The following P3H2 variants were observed in gnomAD, a reference collection of about 807,000 sequenced individuals.
P3H2 encodes prolyl 3-hydroxylase 2, also known as leprecan-like 1.
Under a neutral mutation model 87.0 loss-of-function variants are expected in P3H2, and 80 were observed. The observed-to-expected ratio is 0.92, with a 90% CI of 0.77 to 1.11. The LOEUF (loss-of-function observed/expected upper bound fraction) is 1.11, where lower values mean the gene tolerates loss of function less well. Among genes scored for constraint, P3H2 ranks in the 50% least tolerant of loss-of-function variants. The pLI, the probability that P3H2 is intolerant of heterozygous loss-of-function variation, is 0.00. For missense variants in P3H2, 1,001 were observed against 923.9 expected (o/e 1.08, Z -1.08); for synonymous variants, 367 against 359.3 (o/e 1.02, Z -0.24).
intron 1 of P3H2, among the ~76,000 whole-genome samples, chr3:190,054,026 T>C (rs1039832522): frequency 6.6e-6 from 1 of 152,166 alleles, no homozygotes; most frequent in Non-Finnish European, 1.5e-5. Context: ...CCTTCATACA[T>C]TAGTAGAAAA....
rs1722673941 is a variant in P3H2 at position 189,957,524 on chromosome 3, A to T, written c.*388T>A. The T allele has an allele frequency of 2.6e-6, 1 of 391,010 alleles. No homozygotes were observed. Among genetic ancestry groups the T allele is most frequent in the Non-Finnish European group, 4.5e-6 (1 of 219,788 alleles). The allele number at this position is 391,010 out of a possible 1,614,324, so 24.2% of individuals were successfully genotyped here. On this transcript the variant is annotated 3_prime_UTR_variant, in exon 15 of 15. Coordinates refer to ENST00000319332, the MANE Select transcript of P3H2 (RefSeq NM_018192.4). The stretch of plus-strand genomic sequence containing the variant: ...TGGGCTTTGATAGATACATGAAATG[A>T]TGAAAAACCAAGAAAGAGAGCTGGG...
Position 189,957,502 on chromosome 3 carries a change from G to A in P3H2, c.*410C>T, listed in dbSNP as rs1180160128. 5.2e-6 allele frequency: 2 copies of A among 387,882 alleles called. No homozygotes were observed. Among genetic ancestry groups the A allele is most frequent in the East Asian group, 9.3e-5 (2 of 21,404 alleles). 24.0% of individuals were successfully genotyped at this position (387,882 alleles called of 1,614,324 possible). ...GTGTTTGGGGGAGGAGGTGAACTGG[G>A]CTTTGATAGATACATGAAATGATGA... On this transcript the variant is annotated 3_prime_UTR_variant, in exon 15 of 15. Coordinates refer to ENST00000319332, the MANE Select transcript of P3H2 (RefSeq NM_018192.4).
intron 1 of P3H2, among the ~76,000 whole-genome samples, chr3:190,088,676 G>A (rs532200071): frequency 6.6e-6 from 1 of 152,272 alleles, no homozygotes; most frequent in Non-Finnish European, 1.5e-5. Flanking sequence ...CAGAATAATA[G>A]TTACGGGCTT....
intron 1 of P3H2, among the ~76,000 whole-genome samples, chr3:190,044,625 A>G (rs1725742629): frequency 6.6e-6 from 1 of 152,236 alleles, no homozygotes. Flanking sequence ...ACTTCCAAAA[A>G]TAATAGTGTA....
intron 2 of P3H2, among the ~76,000 whole-genome samples, chr3:189,994,532 C>T (rs78613259): frequency 6.6e-6 from 1 of 151,986 alleles, no homozygotes; most frequent in Non-Finnish European, 1.5e-5. Flanking sequence ...CAGTCAATGT[C>T]GTTTTTTTCC....
chr3:190,094,972 C>G (rs867150441), intron 1 of P3H2, among the ~76,000 whole-genome samples: 15 of 152,166 alleles, frequency 9.9e-5, no homozygotes, highest in Middle Eastern at 3.4e-3. Context: ...CAAATATAAT[C>G]AATATCACAA....
At chr3:190,066,538 T>A (rs1396582791) in intron 1 of P3H2, among the ~76,000 whole-genome samples, 2 of 152,084 alleles carry the variant, frequency 1.3e-5, no homozygotes, top group African/African-American at 4.8e-5. Flanking sequence ...GGGTTCAGTG[T>A]ATACTGCTCA....
At chr3:189,963,655 G>C (rs1205504161) in intron 14 of P3H2, 1 of 355,966 alleles carries the variant, frequency 2.8e-6, no homozygotes, top group East Asian at 6.1e-5. Flanking sequence ...TGTTGATCAG[G>C]CTGGTCTCGA....
intron 1 of P3H2, among the ~76,000 whole-genome samples, chr3:190,050,274 AAAG>A (rs1347633550): frequency 2.0e-5 from 3 of 152,212 alleles, no homozygotes; most frequent in Non-Finnish European, 4.4e-5. Flanking sequence ...GGAAGAACAA[AAAG>A]AAGAGTAATG....
At chr3:190,027,825 C>T (rs2108945071) in intron 1 of P3H2, among the ~76,000 whole-genome samples, 1 of 152,032 alleles carries the variant, frequency 6.6e-6, no homozygotes, top group East Asian at 2.0e-4. Flanking sequence ...CACAGGAGGT[C>T]CTTTGTGCTG....
rs1413791155 is a variant in P3H2 at position 190,063,707 on chromosome 3, T to C, written c.480+56545A>G. Reference sequence around the variant, plus strand: ...TGTGGTGGTGGTTGTAATTACAATGTTTATTTTTGGAGTGAGTGAAGCCTG... The same window carrying C: ...TGTGGTGGTGGTTGTAATTACAATGCTTATTTTTGGAGTGAGTGAAGCCTG... On this transcript the variant is annotated intron_variant, in intron 1 of 14. Transcript: ENST00000319332. 2.0e-5 allele frequency among the ~76,000 whole-genome samples: 3 copies of C among 152,074 alleles called. No homozygotes were observed. The East Asian group carries it at 5.8e-4, about 29-fold the overall frequency.
At chr3:189,997,798 T>C (rs945333018) in intron 1 of P3H2, among the ~76,000 whole-genome samples, 58 of 152,322 alleles carry the variant, frequency 3.8e-4, no homozygotes, top group African/African-American at 1.3e-3. Context: ...TTCTCAACTT[T>C]AATCTTCTCA....
Position 189,994,274 on chromosome 3 carries a change from T to C in P3H2, c.643A>G (p.Asn215Asp). The C allele has an allele frequency of 2.5e-6, 4 of 1,610,290 alleles. No individual in the cohort carries two copies. Among genetic ancestry groups the C allele is most frequent in the Non-Finnish European group, 3.4e-6 (4 of 1,177,156 alleles). Residue 215 changes from asparagine (N) to aspartate (D), a missense_variant, in exon 3 of 15, where the codon AAT becomes GAT. Physicochemically the swap from Asn to Asp is conservative, Grantham distance 23. Transcript: ENST00000319332. ...GCCTCATAATGTTTAACTCCTGCAT[T>C]GTAACTCTCCTGTAATGAAACAGAC... Reference protein sequence around the residue: ...REAKPHMESYNAGVKHYEADD... With the variant: ...REAKPHMESYDAGVKHYEADD...
intron 1 of P3H2, among the ~76,000 whole-genome samples, chr3:190,010,587 G>A (rs1224638078): frequency 1.3e-5 from 2 of 152,078 alleles, no homozygotes; most frequent in African/African-American, 4.8e-5. Flanking sequence ...CAATAAGAGG[G>A]CAACAATCTG....
At position 189,984,606 on chromosome 3, in the gene P3H2, T is replaced by TA. The variant is rs11311050; in HGVS notation, c.1189-17dup. On this transcript the variant is annotated splice_polypyrimidine_tract_variant and intron_variant, in intron 6 of 14. Coordinates refer to ENST00000319332, the MANE Select transcript of P3H2 (RefSeq NM_018192.4). ...TCCAATAATTCTGTTTTGAATCGAG[T>TA]AAAAAAAAAAATGCAGTAATTTTGT... The TA allele has an allele frequency of 4.6e-4, 646 of 1,398,326 alleles. No homozygotes were observed. Among genetic ancestry groups the TA allele is most frequent in the South Asian group, 5.6e-4 (45 of 80,154 alleles). The allele number at this position is 1,398,326 out of a possible 1,614,324, so 86.6% of individuals were successfully genotyped here. A position where few individuals can be genotyped will look rare whatever the true frequency, so the allele number is the denominator to read the frequency against.
chr3:189,972,319 G>A (rs1723200955), intron 11 of P3H2, among the ~76,000 whole-genome samples: 1 of 152,034 alleles, frequency 6.6e-6, no homozygotes, highest in South Asian at 2.1e-4. Flanking sequence ...GCAAAACAAT[G>A]GGAAGGAAAT....
At chr3:190,110,886 C>T (rs1211264194) in intron 1 of P3H2, among the ~76,000 whole-genome samples, 1 of 152,158 alleles carries the variant, frequency 6.6e-6, no homozygotes, top group East Asian at 1.9e-4. Flanking sequence ...TTGCTTTTAT[C>T]CATTCCTTTC....
intron 8 of P3H2, among the ~76,000 whole-genome samples, chr3:189,980,285 C>T (rs1723489878): frequency 6.6e-6 from 1 of 152,194 alleles, no homozygotes; most frequent in African/African-American, 2.4e-5. Flanking sequence ...GAAAATGTTG[C>T]TGGGCGTGGT....
At chr3:190,064,241 G>A (rs1726425570) in intron 1 of P3H2, among the ~76,000 whole-genome samples, 1 of 151,276 alleles carries the variant, frequency 6.6e-6, no homozygotes, top group Non-Finnish European at 1.5e-5. Context: ...TTGAAATCCT[G>A]AGCTCAAGTG....
Sources: allele counts gnomAD v4.1 joint callset (sites outside exome capture counted in the v4.1 genomes callset), GRCh38; gene constraint gnomAD v4.1.1; transcripts MANE v1.5; gene names NCBI Gene and HGNC (gene_info 2026-07-23, HGNC 2026-07-21).